ABTB2: variants seen among roughly 807,000 people sequenced by gnomAD.
The protein encoded by ABTB2 is ankyrin repeat and BTB domain containing 2.
ABTB2 carries 56 observed loss-of-function variants against 104.1 expected under a neutral mutation model. The ratio of observed to expected loss-of-function variants is 0.54; its 90% CI spans 0.43 to 0.67. ABTB2 has a LOEUF of 0.67. Among genes scored for constraint, ABTB2 ranks in the 30% least tolerant of loss-of-function variants. The pLI, the probability that ABTB2 is intolerant of heterozygous loss-of-function variation, is 0.00. For missense variants in ABTB2, 1,279 were observed against 1,407.7 expected (o/e 0.91, Z 1.46); for synonymous variants, 606 against 608.2 (o/e 1.00, Z 0.05).
chr11:34,274,409 C>A (rs1854358007), intron 1 of ABTB2, among the ~76,000 whole-genome samples: 1 of 152,052 alleles, frequency 6.6e-6, no homozygotes, highest in South Asian at 2.1e-4. Flanking sequence ...AACCACCAGG[C>A]TGCACTCCAT....
chr11:34,300,780 G>C (rs898060264), intron 1 of ABTB2, among the ~76,000 whole-genome samples: 1 of 152,202 alleles, frequency 6.6e-6, no homozygotes, highest in Non-Finnish European at 1.5e-5. Context: ...AGGGGTTTTA[G>C]GTTGGAGCAA....
At chr11:34,339,432 A>G (rs1012307615) in intron 1 of ABTB2, among the ~76,000 whole-genome samples, 1 of 152,160 alleles carries the variant, frequency 6.6e-6, no homozygotes, top group Non-Finnish European at 1.5e-5. Flanking sequence ...ATAACAAACA[A>G]AGCAACTATT....
chr11:34,341,604 G>GT (rs1274096076), intron 1 of ABTB2, among the ~76,000 whole-genome samples: 2 of 152,000 alleles, frequency 1.3e-5, no homozygotes, highest in African/African-American at 2.4e-5. Context: ...TGAGGAAATG[G>GT]TTTTTTTTAA....
chr11:34,257,631 C>T (rs939856748), intron 1 of ABTB2, among the ~76,000 whole-genome samples: 2 of 152,168 alleles, frequency 1.3e-5, no homozygotes, highest in South Asian at 2.1e-4. Flanking sequence ...CTCTGTTGCC[C>T]AGGCTGGAGT....
chr11:34,208,960 AC>A (rs1178262605), intron 1 of ABTB2, among the ~76,000 whole-genome samples: 1 of 151,882 alleles, frequency 6.6e-6, no homozygotes. Context: ...TACTCTGGTC[AC>A]CTTGCTCCAG....
intron 1 of ABTB2, among the ~76,000 whole-genome samples, chr11:34,291,359 C>A (rs1285852028): frequency 1.3e-5 from 2 of 152,180 alleles, no homozygotes; most frequent in Admixed American, 6.5e-5. Context: ...AAGCTGAAGA[C>A]CCCTCCATCA....
rs1314757298 is a variant in ABTB2 at position 34,298,405 on chromosome 11, CTTGT to C, written c.883+58292_883+58295del. Among the ~76,000 whole-genome samples the C allele has an allele frequency of 8.3e-4, 121 of 146,030 alleles. 1 individual carries two copies. Among genetic ancestry groups the C allele is most frequent in the Admixed American group, 8.1e-3 (121 of 14,868 alleles). On this transcript the variant is annotated intron_variant, in intron 1 of 16. Transcript: ENST00000435224. ...ACCTGGGGTAGGGGTGAGGAATGAT[CTTGT>C]TTCTTTTTTTTTTTTTAAACCAATT...
intron 3 of ABTB2, among the ~76,000 whole-genome samples, chr11:34,181,759 C>T (rs926185449): frequency 6.6e-6 from 1 of 152,198 alleles, no homozygotes; most frequent in Non-Finnish European, 1.5e-5. Context: ...CCATCACCCG[C>T]TAAGCTGTGG....
At chr11:34,327,263 C>T (rs1855080209) in intron 1 of ABTB2, among the ~76,000 whole-genome samples, 1 of 152,116 alleles carries the variant, frequency 6.6e-6, no homozygotes, top group Non-Finnish European at 1.5e-5. Context: ...GCTCTAATAT[C>T]AGATAAAGTA....
Position 34,204,681 on chromosome 11 carries a change from G to A in ABTB2, c.893C>T (p.Ser298Phe), listed in dbSNP as rs1853386734. 1.2e-6 allele frequency: 2 copies of A among 1,613,098 alleles called. No individual in the cohort carries two copies. The highest frequency in any genetic ancestry group is 2.7e-5 in the African/African-American group (2 of 74,904). The change falls in exon 2 of 17, where the codon TCC becomes TTC. Residue 298 changes from serine (S) to phenylalanine (F), a missense_variant. Transcript: ENST00000435224. ...ICGKNANGVL[S>F]LPAYFSPYNG... The stretch of plus-strand genomic sequence containing the variant: ...GTAGGGGCTGAAGTATGCGGGGAGG[G>A]AGAGGACACCTATGGGGAAAGAAGG...
intron 1 of ABTB2, among the ~76,000 whole-genome samples, chr11:34,214,713 C>T (rs901420043): frequency 3.3e-5 from 5 of 151,776 alleles, no homozygotes; most frequent in Non-Finnish European, 7.4e-5. Flanking sequence ...CCAAAACTAT[C>T]GCTATTATCT....
At chr11:34,267,236 A>G (rs924509568) in intron 1 of ABTB2, among the ~76,000 whole-genome samples, 2 of 152,208 alleles carry the variant, frequency 1.3e-5, no homozygotes, top group African/African-American at 2.4e-5. Context: ...CAGCCCTCAG[A>G]AGAGCAAGCC....
intron 1 of ABTB2, among the ~76,000 whole-genome samples, chr11:34,333,859 C>A (rs1855160064): frequency 6.6e-6 from 1 of 152,152 alleles, no homozygotes; most frequent in Non-Finnish European, 1.5e-5. Context: ...AATTCCAAAA[C>A]CTATGTTCTT....
At chr11:34,338,782 A>G (rs1398093851) in intron 1 of ABTB2, among the ~76,000 whole-genome samples, 1 of 152,226 alleles carries the variant, frequency 6.6e-6, no homozygotes, top group Non-Finnish European at 1.5e-5. Flanking sequence ...GTTCCAGAAT[A>G]CTAATGTTAT....
At chr11:34,246,337 C>T (rs995670934) in intron 1 of ABTB2, among the ~76,000 whole-genome samples, 5 of 152,098 alleles carry the variant, frequency 3.3e-5, no homozygotes, top group Non-Finnish European at 7.4e-5. Context: ...TGTGGTGGCT[C>T]ACGCCTGTAA....
Position 34,152,096 on chromosome 11 carries a change from G to C in ABTB2, c.*291C>G, listed in dbSNP as rs1027567111. 7.1e-6 allele frequency: 3 copies of C among 424,530 alleles called. No homozygotes were observed. In the South Asian group the frequency reaches 7.1e-5, roughly 10 times the overall value. The allele number at this position is 424,530 out of a possible 1,614,324, so 26.3% of individuals were successfully genotyped here. A position where few individuals can be genotyped will look rare whatever the true frequency, so the allele number is the denominator to read the frequency against. ...ATCAGGATCAGCTGCTGACCTGCAG[G>C]AGGGGAGAGCGACACCCCGGGGGAG... On this transcript the variant is annotated 3_prime_UTR_variant, in exon 17 of 17. Transcript: ENST00000435224.
chr11:34,350,683 G>A (rs1339730590), intron 1 of ABTB2, among the ~76,000 whole-genome samples: 1 of 152,248 alleles, frequency 6.6e-6, no homozygotes, highest in Non-Finnish European at 1.5e-5. Context: ...CAAATGTAAA[G>A]TGTCTGGACA....
In ABTB2 at chr11:34,357,380, C is replaced by T. The variant is rs1196744015; in HGVS notation, c.204G>A (p.Trp68Ter). ...SGSMNSRHNS[W>*]DTVNTVLPED... is the part of the protein sequence containing the mutation. ...CGGGCAGCACCGTGTTCACCGTGTC[C>T]CAGCTGTTGTGGCGGCTGTTCATGG... The change falls in exon 1 of 17, where the codon TGG becomes TGA. Residue 68 changes from tryptophan to a stop codon, truncating the protein, a stop_gained. Transcript: ENST00000435224. LOFTEE classifies it high-confidence loss of function. The T allele has an allele frequency of 1.9e-6, 3 of 1,543,980 alleles. No individual in the cohort carries two copies. The Admixed American group carries it at 5.9e-5, about 30-fold the overall frequency.
Position 34,154,550 on chromosome 11 carries a change from G to T in ABTB2, c.2766+151C>A. ...CCCCGCTGGGACACGCACTGAGGCTGGGCTCAGTGGTGTGCACAGTTCCTC... is the reference window on the plus strand; with the variant it reads ...CCCCGCTGGGACACGCACTGAGGCTTGGCTCAGTGGTGTGCACAGTTCCTC... On this transcript the variant is annotated intron_variant, in intron 15 of 16. Transcript: ENST00000435224. This position sits in a 1 kb window ranked among gnomAD's most constrained non-coding sequence, Gnocchi z 4.9. The T allele has an allele frequency of 1.1e-6, 1 of 872,138 alleles. No homozygotes were observed. The highest frequency in any genetic ancestry group is 1.8e-6 in the Non-Finnish European group (1 of 552,564). The allele number at this position is 872,138 out of a possible 1,614,324, so 54.0% of individuals were successfully genotyped here. A position where few individuals can be genotyped will look rare whatever the true frequency, so the allele number is the denominator to read the frequency against.
Sources: gnomAD v4.1 joint callset for allele counts (sites outside exome capture counted in the v4.1 genomes callset) on GRCh38, gnomAD v4.1.1 for gene constraint, Gnocchi (gnomAD v3.1) non-coding constraint, MANE v1.5 for transcripts, NCBI Gene and HGNC (gene_info 2026-07-23, HGNC 2026-07-21) for gene names.